The following USP53 variants were observed in gnomAD, a reference collection of about 807,000 sequenced individuals.
USP53 encodes the protein ubiquitin specific peptidase 53, also known as ubiquitin carboxyl-terminal hydrolase 53.
Under a neutral mutation model 94.9 loss-of-function variants are expected in USP53, and 71 were observed. The ratio of observed to expected loss-of-function variants is 0.75; its 90% CI spans 0.62 to 0.91. The LOEUF is 0.91. USP53 is among the 40% of genes least tolerant of loss of function. The probability of loss-of-function intolerance (pLI) is 0.00; values close to 1 mark genes in which losing one functional copy is unlikely to be tolerated. For synonymous variants in USP53, 375 were observed against 422.7 expected (o/e 0.89, Z 1.39); for missense variants, 1,173 against 1,281.0 (o/e 0.92, Z 1.29).
chr4:119,256,195 G>C, intron 7 of USP53, 51 bp from the exon 8 acceptor site: 1 of 1,347,856 alleles, frequency 7.4e-7, no homozygotes, highest in Non-Finnish European at 1.0e-6. Flanking sequence ...ATATTTTGCT[G>C]TGTTCCCTGC....
Position 119,267,482 on chromosome 4 carries a change from G to A in USP53, c.1135G>A (p.Gly379Arg). The A allele has an allele frequency of 1.2e-6, 2 of 1,603,386 alleles. No homozygotes were observed. The highest frequency in any genetic ancestry group is 1.7e-6 in the Non-Finnish European group (2 of 1,176,434). ...SHYKSVAENMGCEKPVIHKSD... is the reference protein window; with the variant it reads ...SHYKSVAENMRCEKPVIHKSD... ...TTACAAATCTGTTGCAGAAAATATG[G>A]GTAATTCTTTCTTTTAAAAATTCTC... is the stretch of plus-strand genomic sequence containing the variant. Residue 379 changes from glycine to arginine, a missense_variant and splice_region_variant, in exon 13 of 19, where the codon GGA becomes AGA. Coordinates refer to ENST00000692078, the MANE Select transcript of USP53 (RefSeq NM_001371395.1).
chr4:119,234,832 G>T (rs1746519518), intron 3 of USP53, among the ~76,000 whole-genome samples: 1 of 152,168 alleles, frequency 6.6e-6, no homozygotes, highest in African/African-American at 2.4e-5. Context: ...ACAATCCATG[G>T]ATACTTAGAT....
At chr4:119,268,528 CAAAT>C in intron 14 of USP53, 108 bp downstream of exon 14, 1 of 1,110,510 alleles carries the variant, frequency 9.0e-7, no homozygotes, top group African/African-American at 1.6e-5. Context: ...AAGATAATAA[CAAAT>C]AGATAACAAA....
At chr4:119,233,712 G>A (rs1210793338) in intron 3 of USP53, among the ~76,000 whole-genome samples, 1 of 151,964 alleles carries the variant, frequency 6.6e-6, no homozygotes, top group African/African-American at 2.4e-5. Context: ...TTAAATTTGT[G>A]GTCTCTTTAG....
At chr4:119,285,940 A>G (rs1754054897) in intron 17 of USP53, among the ~76,000 whole-genome samples, 1 of 151,904 alleles carries the variant, frequency 6.6e-6, no homozygotes, top group African/African-American at 2.4e-5. Context: ...CAAAATAGCA[A>G]TATTTGCTTT....
intron 3 of USP53, among the ~76,000 whole-genome samples, chr4:119,222,200 T>C (rs1243862898): frequency 1.3e-5 from 2 of 152,310 alleles, no homozygotes; most frequent in East Asian, 3.9e-4. Context: ...TAGTTGCACA[T>C]CTTTATGGGG....
intron 17 of USP53, among the ~76,000 whole-genome samples, chr4:119,278,918 C>A (rs1337359525): frequency 1.4e-5 from 1 of 71,550 alleles, no homozygotes; most frequent in Admixed American, 1.5e-4. Context: ...CTGCATTCTT[C>A]ACGTAGTTCT....
At chr4:119,285,338 G>T (rs1753975832) in intron 17 of USP53, among the ~76,000 whole-genome samples, 1 of 151,796 alleles carries the variant, frequency 6.6e-6, no homozygotes, top group African/African-American at 2.4e-5. Flanking sequence ...TACATAGTAG[G>T]TTAGGATATT....
At chr4:119,258,561 TA>T (rs1750059226) in intron 9 of USP53, among the ~76,000 whole-genome samples, 1 of 152,212 alleles carries the variant, frequency 6.6e-6, no homozygotes. Context: ...GGGTAATTTA[TA>T]AAACAGAGAG....
In USP53 at chr4:119,273,691, G is replaced by A. The variant is rs745365270; in HGVS notation, c.2234G>A (p.Ser745Asn). The A allele has an allele frequency of 1.2e-6, 2 of 1,611,820 alleles. No individual in the cohort carries two copies. Among genetic ancestry groups the A allele is most frequent in the Admixed American group, 3.3e-5 (2 of 59,926 alleles). ...KERGDCTSLQ[S>N]QHHLEGFRKE... ...CGTGGGGACTGTACCTCCCTTCAGA[G>A]CCAACATCACTTAGAAGGTAAAAAA... The change falls in exon 17 of 19, where the codon AGC (serine) becomes AAC (asparagine). Residue 745 changes from serine (S) to asparagine (N), a missense_variant. Transcript: ENST00000692078.
intron 16 of USP53, chr4:119,273,406 C>G: frequency 2.6e-6 from 1 of 378,118 alleles, no homozygotes; most frequent in Non-Finnish European, 4.9e-6. Context: ...GACTTTATAA[C>G]CAGATAGACT....
chr4:119,279,687 C>A (rs919595298), intron 17 of USP53, among the ~76,000 whole-genome samples: 1 of 152,126 alleles, frequency 6.6e-6, no homozygotes, highest in Admixed American at 6.5e-5. Flanking sequence ...ATGGCGGGCG[C>A]CCCTCCCCCA....
intron 4 of USP53, among the ~76,000 whole-genome samples, chr4:119,236,055 C>G (rs1006811360): frequency 6.6e-6 from 1 of 152,142 alleles, no homozygotes; most frequent in Admixed American, 6.5e-5. Flanking sequence ...TGAAATAATT[C>G]ATCAACGAAA....
chr4:119,242,736 A>C (rs1358121003), intron 5 of USP53, among the ~76,000 whole-genome samples: 1 of 152,192 alleles, frequency 6.6e-6, no homozygotes, highest in Non-Finnish European at 1.5e-5. Context: ...ATTCAAATAG[A>C]TTTTCTATGA....
Position 119,214,403 on chromosome 4 carries a change from C to T in USP53, c.-789+181C>T, listed in dbSNP as rs951095340. Among the ~76,000 whole-genome samples the T allele has an allele frequency of 3.3e-5, 5 of 151,874 alleles. No individual in the cohort carries two copies. The South Asian group carries it at 6.2e-4, about 19-fold the overall frequency. On this transcript the variant is annotated intron_variant, in intron 2 of 18. Transcript: ENST00000692078. ...GGGAGGTTTGTGTATTTCTTCCTAA[C>T]GTGTAAAAAAGAGACTAAGAACTGG...
intron 14 of USP53, 42 bp downstream of exon 14, chr4:119,268,462 T>C: frequency 6.5e-7 from 1 of 1,534,774 alleles, no homozygotes; most frequent in Middle Eastern, 1.8e-4. Context: ...TCCAAGTGAG[T>C]GTCCTCCTTT....
intron 7 of USP53, among the ~76,000 whole-genome samples, chr4:119,250,068 A>G (rs1020958367): frequency 2.0e-5 from 3 of 152,028 alleles, no homozygotes; most frequent in African/African-American, 7.2e-5. Flanking sequence ...TTTTATTCTG[A>G]TATTTAAGGC....
rs543414544 is a variant in USP53 at position 119,294,092 on chromosome 4, T to C, written c.*881T>C. On this transcript the variant is annotated 3_prime_UTR_variant, in exon 19 of 19. Transcript: ENST00000692078. ...ACTTTTTTTCTAATTTTATATGAAA[T>C]GTGAAAGGTCTTTATTTTGGTTTGG... 1.3e-5 allele frequency: 2 copies of C among 152,084 alleles called. No homozygotes were observed. The highest frequency in any genetic ancestry group is 2.4e-5 in the African/African-American group (1 of 41,440). 9.4% of individuals were successfully genotyped at this position (152,084 alleles called of 1,614,324 possible). A position where few individuals can be genotyped will look rare whatever the true frequency, so the allele number is the denominator to read the frequency against.
At chr4:119,280,067 C>G (rs979117850) in intron 17 of USP53, among the ~76,000 whole-genome samples, 1 of 152,210 alleles carries the variant, frequency 6.6e-6, no homozygotes, top group Non-Finnish European at 1.5e-5. Flanking sequence ...TCTTCTGCGT[C>G]GCTCACGCTG....
Sources: gnomAD v4.1 joint callset for allele counts (sites outside exome capture counted in the v4.1 genomes callset) on GRCh38, gnomAD v4.1.1 for gene constraint, MANE v1.5 for transcripts, NCBI Gene and HGNC (gene_info 2026-07-23, HGNC 2026-07-21) for gene names.